ERC2: variants seen among roughly 807,000 people sequenced by gnomAD.
ERC2 encodes ERC protein 2.
Under a neutral mutation model 114.8 loss-of-function variants are expected in ERC2, and 42 were observed. The ratio of observed to expected loss-of-function variants is 0.37; its 90% CI spans 0.29 to 0.47. ERC2 has a LOEUF of 0.47. Ranked by LOEUF, ERC2 falls within the 20% of genes least tolerant of loss-of-function variation. The pLI is 0.99. For synonymous variants in ERC2, 454 were observed against 425.5 expected, an observed-to-expected ratio of 1.07 and a Z score of -0.82; for missense variants, 939 against 1,150.7, an observed-to-expected ratio of 0.82 and a Z score of 2.66.
intron 12 of ERC2, among the ~76,000 whole-genome samples, chr3:55,978,003 C>T (rs897050108): frequency 1.3e-5 from 2 of 152,164 alleles, no homozygotes; most frequent in African/African-American, 4.8e-5. Flanking sequence ...ATAAATACTA[C>T]GGATCTGCTT....
At chr3:56,381,769 G>C (rs1199707085) in intron 2 of ERC2, among the ~76,000 whole-genome samples, 1 of 151,526 alleles carries the variant, frequency 6.6e-6, no homozygotes, top group Non-Finnish European at 1.5e-5. Context: ...AAAAGGGGGG[G>C]GTGGAAAAAA....
chr3:55,674,381 A>G (rs1451298064), intron 17 of ERC2, among the ~76,000 whole-genome samples: 1 of 152,196 alleles, frequency 6.6e-6, no homozygotes, highest in Non-Finnish European at 1.5e-5. Context: ...TCTGCATAGG[A>G]AAAATATGGC....
At chr3:55,791,851 T>C (rs1451868929) in intron 14 of ERC2, among the ~76,000 whole-genome samples, 3 of 151,528 alleles carry the variant, frequency 2.0e-5, no homozygotes, top group African/African-American at 7.3e-5. Flanking sequence ...TTTTGTATTC[T>C]AGTGGGGAAA....
chr3:56,067,398 T>C (rs1056098845), intron 7 of ERC2, among the ~76,000 whole-genome samples: 2 of 152,234 alleles, frequency 1.3e-5, no homozygotes, highest in Non-Finnish European at 2.9e-5. Flanking sequence ...ACATTGATTT[T>C]GTATCCTGAG....
chr3:56,018,592 G>T (rs1308698865), intron 8 of ERC2, among the ~76,000 whole-genome samples: 1 of 152,098 alleles, frequency 6.6e-6, no homozygotes, highest in Non-Finnish European at 1.5e-5. Flanking sequence ...ATGGGAGAAG[G>T]GACCCTGGGG....
rs1254031972 is a variant in ERC2, at chr3:55,934,247, G to C, written c.2403+16178C>G. On this transcript the variant is annotated intron_variant, in intron 13 of 17. Coordinates refer to ENST00000288221, the MANE Select transcript of ERC2 (RefSeq NM_015576.3). ...TCTCCCAGTCAGTGCAAAAGTATCAGAACAGGCATGCAAATCTTCAATACA... is the reference window on the plus strand; with the variant it reads ...TCTCCCAGTCAGTGCAAAAGTATCACAACAGGCATGCAAATCTTCAATACA... Among the ~76,000 whole-genome samples, 4 of 152,270 alleles carry C rather than the reference G, an allele frequency of 2.6e-5. No homozygotes were observed. In the East Asian group the frequency reaches 7.7e-4, roughly 29 times the overall value.
chr3:56,063,087 T>C (rs1247648275), intron 7 of ERC2, among the ~76,000 whole-genome samples: 1 of 152,310 alleles, frequency 6.6e-6, no homozygotes, highest in Admixed American at 6.5e-5. Context: ...TTCAATGCAT[T>C]ATGCTAAGTC....
chr3:56,223,584 C>T (rs925554763), intron 3 of ERC2, among the ~76,000 whole-genome samples: 3 of 150,778 alleles, frequency 2.0e-5, no homozygotes, highest in African/African-American at 7.3e-5. Context: ...GATAACCACA[C>T]TATTTCTGCT....
At chr3:55,612,374 C>G (rs1486427439) in intron 17 of ERC2, among the ~76,000 whole-genome samples, 5 of 152,202 alleles carry the variant, frequency 3.3e-5, no homozygotes, top group Admixed American at 2.6e-4. Context: ...CTCTCATAAT[C>G]AACAACTGAA....
At chr3:56,146,849 A>G (rs2081169292) in intron 5 of ERC2, among the ~76,000 whole-genome samples, 1 of 152,172 alleles carries the variant, frequency 6.6e-6, no homozygotes, top group Admixed American at 6.5e-5. Flanking sequence ...TTCCTCAAAC[A>G]TTCTTCTGAC....
chr3:56,429,619 A>T (rs1323736877), intron 2 of ERC2, among the ~76,000 whole-genome samples: 1 of 152,254 alleles, frequency 6.6e-6, no homozygotes, highest in Non-Finnish European at 1.5e-5. Flanking sequence ...CAAGCACATG[A>T]TTCTAAATTT....
chr3:56,135,383 T>C (rs917981436), intron 6 of ERC2, among the ~76,000 whole-genome samples: 1 of 152,142 alleles, frequency 6.6e-6, no homozygotes, highest in African/African-American at 2.4e-5. Context: ...GGTCTATAAA[T>C]GCACATACCA....
chr3:56,012,345 C>T (rs143851661), intron 8 of ERC2, among the ~76,000 whole-genome samples: 244 of 152,224 alleles, frequency 1.6e-3, no homozygotes, highest in African/African-American at 5.2e-3. Context: ...GGAAACCTTC[C>T]CAGGAATCCC....
chr3:55,957,727 G>A (rs982687323), intron 12 of ERC2, among the ~76,000 whole-genome samples: 1 of 152,226 alleles, frequency 6.6e-6, no homozygotes, highest in Non-Finnish European at 1.5e-5. Context: ...GCTGCAGTGG[G>A]GAGGAGGGGG....
chr3:56,366,392 A>C (rs1379464138), intron 2 of ERC2, among the ~76,000 whole-genome samples: 3 of 151,522 alleles, frequency 2.0e-5, no homozygotes, highest in Non-Finnish European at 2.9e-5. Context: ...GTTAACCCGG[A>C]CACCCCCCAA....
intron 6 of ERC2, among the ~76,000 whole-genome samples, chr3:56,104,066 G>A (rs2078511211): frequency 6.6e-6 from 1 of 152,126 alleles, no homozygotes. Context: ...CAATGAACTG[G>A]ATCTTCTTTA....
chr3:55,657,946 C>T (rs1433181721), intron 17 of ERC2: 1 of 152,164 alleles, frequency 6.6e-6, no homozygotes, highest in Non-Finnish European at 1.5e-5. Context: ...TGTAGCACAC[C>T]TCCTGTGCTC....
chr3:56,453,946 T>C (rs773287707), intron 1 of ERC2, among the ~76,000 whole-genome samples: 2 of 152,148 alleles, frequency 1.3e-5, no homozygotes, highest in Non-Finnish European at 2.9e-5. Flanking sequence ...AGCACAGCCC[T>C]AGGAAGAATC....
chr3:55,720,009 C>CCTCG (rs1273602120), intron 15 of ERC2, among the ~76,000 whole-genome samples: 1 of 90,752 alleles, frequency 1.1e-5, no homozygotes, highest in Non-Finnish European at 2.2e-5. Context: ...CCCTTCTTTC[C>CCTCG]CTCCCTCCCT....
Sources: gnomAD v4.1 joint callset for allele counts (sites outside exome capture counted in the v4.1 genomes callset) on GRCh38, gnomAD v4.1.1 for gene constraint, MANE v1.5 for transcripts, NCBI Gene and HGNC (gene_info 2026-07-23, HGNC 2026-07-21) for gene names.